The following CMSS1 variants were observed in gnomAD, a reference collection of about 807,000 sequenced individuals.
The protein encoded by CMSS1 is protein CMSS1.
In CMSS1, 33 loss-of-function variants were observed where a neutral mutation model predicts 43.5. The ratio of observed to expected loss-of-function variants is 0.76; its 90% confidence interval spans 0.57 to 1.01. The LOEUF is 1.01. Ranked by LOEUF, CMSS1 falls within the 50% of genes least tolerant of loss-of-function variation. The pLI is 0.00. For synonymous variants in CMSS1, 115 were observed against 117.2 expected (o/e 0.98, Z 0.12); for missense variants, 313 against 326.4 (o/e 0.96, Z 0.32).
intron 1 of CMSS1, among the ~76,000 whole-genome samples, chr3:100,026,111 C>A (rs965024178): frequency 6.6e-6 from 1 of 152,072 alleles, no homozygotes; most frequent in Non-Finnish European, 1.5e-5. Context: ...TACCACGAGG[C>A]TGGACGAGGC....
At chr3:99,888,696 C>G (rs765246180) in intron 1 of CMSS1, among the ~76,000 whole-genome samples, 2 of 152,154 alleles carry the variant, frequency 1.3e-5, no homozygotes, top group Non-Finnish European at 2.9e-5. Flanking sequence ...TCTTCTTAGA[C>G]TGCTTTTTGT....
Position 99,850,430 on chromosome 3 carries a change from CTAGTT to C in CMSS1, c.64+32390_64+32394del, listed in dbSNP as rs747972266. The C allele has an allele frequency of 3.1e-6, 5 of 1,613,908 alleles. No homozygotes were observed. The South Asian group carries it at 4.4e-5, about 14-fold the overall frequency. ...ATTCTTTTACTGAGTTTTTCAACCT[CTAGTT>C]TAAAGTCTTTACTCTGTAACGTCTC... is the stretch of plus-strand genomic sequence containing the variant. On this transcript the variant is annotated intron_variant, in intron 1 of 9. Transcript: ENST00000421999.
chr3:99,905,396 A>G (rs1382742461), intron 1 of CMSS1, among the ~76,000 whole-genome samples: 1 of 152,108 alleles, frequency 6.6e-6, no homozygotes, highest in Non-Finnish European at 1.5e-5. Context: ...CAGTCTTCTA[A>G]TTGCTCTTAC....
intron 1 of CMSS1, among the ~76,000 whole-genome samples, chr3:100,140,916 A>G (rs2066799119): frequency 6.6e-6 from 1 of 152,232 alleles, no homozygotes; most frequent in Non-Finnish European, 1.5e-5. Context: ...ACTCATCCTC[A>G]TCAAATAAAG....
chr3:99,824,636 G>T lies in CMSS1; in HGVS notation c.64+6593G>T, dbSNP rs186831869. On this transcript the variant is annotated intron_variant, in intron 1 of 9. Coordinates refer to ENST00000421999, the MANE Select transcript of CMSS1 (RefSeq NM_032359.4). ...AGAACCTTGATCTGCTGGCAGATTT[G>T]TCAAACTCCTGTCCAGGCTTTTGAC... Among the ~76,000 whole-genome samples, 419 of 152,352 alleles carry T rather than the reference G, an allele frequency of 2.8e-3. 4 individuals are homozygous for T. The highest frequency in any genetic ancestry group is 9.7e-3 in the African/African-American group (403 of 41,588).
At chr3:100,115,557 TTCTC>T (rs1444990340) in intron 1 of CMSS1, among the ~76,000 whole-genome samples, 23 of 75,254 alleles carry the variant, frequency 3.1e-4, no homozygotes, top group Admixed American at 6.3e-4. Flanking sequence ...CTCTTTCTCT[TTCTC>T]TCTCTCTCTC....
intron 1 of CMSS1, among the ~76,000 whole-genome samples, chr3:99,983,422 A>ATATATATATATATATATATATATG (rs1559713456): frequency 1.2e-5 from 1 of 86,936 alleles, no homozygotes; most frequent in Non-Finnish European, 2.2e-5. Context: ...ATATATATGT[A>ATATATATATATATATATATATATG]TGTATGTATG....
intron 1 of CMSS1, among the ~76,000 whole-genome samples, chr3:100,069,061 T>C (rs2065717102): frequency 6.6e-6 from 1 of 152,184 alleles, no homozygotes; most frequent in Admixed American, 6.5e-5. Flanking sequence ...AATAGATCAG[T>C]TGATATACTT....
At chr3:99,880,898 A>G (rs1705703994) in intron 1 of CMSS1, among the ~76,000 whole-genome samples, 3 of 151,928 alleles carry the variant, frequency 2.0e-5, no homozygotes, top group African/African-American at 4.8e-5. Flanking sequence ...ATGTGTATGT[A>G]TATTATGTTT....
At chr3:100,162,516 A>G in intron 4 of CMSS1, 84 bp downstream of exon 4, 1 of 1,450,092 alleles carries the variant, frequency 6.9e-7, no homozygotes, top group Admixed American at 2.1e-5. Flanking sequence ...CAGTCAATTA[A>G]CACATTTTCC....
chr3:100,083,492 C>T (rs150645813), intron 1 of CMSS1, among the ~76,000 whole-genome samples: 161 of 152,280 alleles, frequency 1.1e-3, no homozygotes, highest in South Asian at 7.5e-3. Context: ...TAATGCACAG[C>T]GAGATTTCAG....
chr3:99,945,554 A>T (rs74935345), intron 1 of CMSS1, among the ~76,000 whole-genome samples: 2,378 of 152,278 alleles, frequency 0.016, 37 homozygotes, highest in Non-Finnish European at 0.024. Flanking sequence ...GGAAACAAAG[A>T]ATCATTACTC....
intron 1 of CMSS1, among the ~76,000 whole-genome samples, chr3:99,832,972 A>G (rs984514644): frequency 6.6e-6 from 1 of 151,892 alleles, no homozygotes; most frequent in Non-Finnish European, 1.5e-5. Context: ...GTTATGTCAA[A>G]TAGCTCCAAG....
intron 1 of CMSS1, chr3:99,849,404 T>G (rs774702238): frequency 1.2e-6 from 2 of 1,614,094 alleles, no homozygotes; most frequent in Admixed American, 3.3e-5. Context: ...CCTAAATCTC[T>G]GTTCCTGTTT....
rs776850792 is a variant in CMSS1 at position 99,850,243 on chromosome 3, C to T, written c.64+32200C>T. On this transcript the variant is annotated intron_variant, in intron 1 of 9. Coordinates refer to ENST00000421999, the MANE Select transcript of CMSS1 (RefSeq NM_032359.4). Reference sequence around the variant, plus strand: ...TAGAGTGAATTCTGTCTTTTCTAGCCGACTTTCAATGGCTTCTAGCTCTTT... The same window carrying T: ...TAGAGTGAATTCTGTCTTTTCTAGCTGACTTTCAATGGCTTCTAGCTCTTT... The T allele has an allele frequency of 3.2e-5, 51 of 1,613,536 alleles. No homozygotes were observed. The highest frequency in any genetic ancestry group is 1.6e-4 in the Middle Eastern group (1 of 6,084).
chr3:99,983,462 GTGTATATATATATATATA>G lies in CMSS1; in HGVS notation c.65-163509_65-163492del, dbSNP rs1365719319. 3.1e-3 allele frequency among the ~76,000 whole-genome samples: 37 copies of G among 11,984 alleles called. 1 individual carries two copies. The highest frequency in any genetic ancestry group is 0.029 in the Admixed American group (28 of 966). 7.9% of individuals were successfully genotyped at this position (11,984 alleles called of 152,430 possible). On this transcript the variant is annotated intron_variant, in intron 1 of 9. Coordinates refer to ENST00000421999, the MANE Select transcript of CMSS1 (RefSeq NM_032359.4). ...TATATGTATGTATATATATATATGT[GTGTATATATATATATATA>G]TATATATATATATATATATATATAT...
At chr3:100,085,869 T>C (rs1260070593) in intron 1 of CMSS1, among the ~76,000 whole-genome samples, 1 of 152,232 alleles carries the variant, frequency 6.6e-6, no homozygotes, top group Non-Finnish European at 1.5e-5. Context: ...TACATTTTCA[T>C]GAAGAGTAAT....
chr3:99,874,902 A>G (rs1338452601), intron 1 of CMSS1, among the ~76,000 whole-genome samples: 1 of 152,184 alleles, frequency 6.6e-6, no homozygotes, highest in African/African-American at 2.4e-5. Context: ...CCAAACAGTT[A>G]TCTTATATGG....
intron 5 of CMSS1, 51 bp from the exon 6 acceptor site, chr3:100,167,687 G>A (rs1177362706): frequency 8.7e-7 from 1 of 1,153,984 alleles, no homozygotes. Flanking sequence ...CTTGGGAGGT[G>A]TGCCCTGTTT....
Sources: gnomAD v4.1 joint callset for allele counts (sites outside exome capture counted in the v4.1 genomes callset) on GRCh38, gnomAD v4.1.1 for gene constraint, MANE v1.5 for transcripts, NCBI Gene and HGNC (gene_info 2026-07-23, HGNC 2026-07-21) for gene names.